Variants in ARID3A observed in about 807,000 individuals in gnomAD.
ARID3A encodes AT-rich interaction domain 3A, also known as AT-rich interactive domain-containing protein 3A.
ARID3A carries 11 observed loss-of-function variants against 52.7 expected under a neutral mutation model. That is an observed-to-expected ratio of 0.21 (90% CI 0.13 to 0.35). The LOEUF (loss-of-function observed/expected upper bound fraction) is 0.35. Among genes scored for constraint, ARID3A ranks in the 10% least tolerant of loss-of-function variants. ARID3A has a pLI of 1.00. For synonymous variants in ARID3A, 404 were observed against 359.4 expected, an observed-to-expected ratio of 1.12 and a Z score of -1.40; for missense variants, 721 against 838.5, an observed-to-expected ratio of 0.86 and a Z score of 1.73.
intron 3 of ARID3A, among the ~76,000 whole-genome samples, chr19:949,331 A>C (rs1184201116): frequency 6.6e-6 from 1 of 151,436 alleles, no homozygotes; most frequent in Non-Finnish European, 1.5e-5. Context: ...GCAGGTGCTG[A>C]GTCATCTCAG....
rs747251396 is a variant in ARID3A at position 965,051 on chromosome 19, C to G, written c.1169C>G (p.Ser390Cys). Residue 390 changes from serine to cysteine, a missense_variant, in exon 6 of 9, where the codon TCC becomes TGC. Ser to Cys is a moderately radical substitution (Grantham distance 112). This residue lies in a region of ARID3A where 297 missense variants were observed against 343.2 expected (regional missense o/e 0.87). Transcript: ENST00000263620. ...CTGGCCGCAAGCACCAATGGCAGCT[C>G]CATCACCCCCGCCCCTAAGATCAAG... ...LGLAASTNGS[S>C]ITPAPKIKKE... The G allele has an allele frequency of 8.1e-6, 13 of 1,612,100 alleles. No individual in the cohort carries two copies. The highest frequency in any genetic ancestry group is 1.1e-5 in the Non-Finnish European group (13 of 1,179,262).
chr19:963,885 A>G (rs1263445043), intron 4 of ARID3A, among the ~76,000 whole-genome samples: 1 of 152,182 alleles, frequency 6.6e-6, no homozygotes, highest in East Asian at 1.9e-4. Flanking sequence ...CTGGGAACAT[A>G]GGCAGAGTTG....
Position 938,698 on chromosome 19 carries a change from G to C in ARID3A, c.693+5956G>C, listed in dbSNP as rs1407532806. On this transcript the variant is annotated intron_variant, in intron 3 of 8. Transcript: ENST00000263620. This position sits in a 1 kb window ranked among gnomAD's most constrained non-coding sequence, Gnocchi z 4.0. ...TGACAGCTGGGCGTGTGTGGGCACT[G>C]GGGCAGGGACGGCCACCAGCAGCCT... Among the ~76,000 whole-genome samples the C allele has an allele frequency of 6.6e-6, 1 of 152,120 alleles. No homozygotes were observed. Among genetic ancestry groups the C allele is most frequent in the Non-Finnish European group, 1.5e-5 (1 of 68,038 alleles).
chr19:969,852 C>A (rs1421887360), intron 8 of ARID3A, among the ~76,000 whole-genome samples: 1 of 147,972 alleles, frequency 6.8e-6, no homozygotes, highest in Admixed American at 6.7e-5. Flanking sequence ...CCACACCCAG[C>A]TAATTTTTTT....
rs2038207984 is a variant in ARID3A, at chr19:968,385, A to AT, written c.1496-17dup. 2 of 1,598,590 alleles carry AT rather than the reference A, an allele frequency of 1.3e-6. No individual in the cohort carries two copies. Among genetic ancestry groups the AT allele is most frequent in the African/African-American group, 2.7e-5 (2 of 73,838 alleles). ...AAAAAAAAAAGAAAAAAAGAAACTA[A>AT]TTTGTTCTTCTTCCCACAGCCTCCG... On this transcript the variant is annotated intron_variant, in intron 7 of 8. Transcript: ENST00000263620.
chr19:968,683 C>A, intron 8 of ARID3A, 180 bp downstream of exon 8: 5 of 583,176 alleles, frequency 8.6e-6, no homozygotes, highest in South Asian at 6.1e-5. Context: ...ATCGTTCACC[C>A]GGTACCACGC....
rs2037637700 is a variant in ARID3A, at chr19:944,647, A to T, written c.693+11905A>T. Reference sequence around the variant, plus strand: ...CTGGTTTTCGGGGGTGGATTTTGAGACAGGGTCTCGTGCTGTCACCCAGGC... The same window carrying T: ...CTGGTTTTCGGGGGTGGATTTTGAGTCAGGGTCTCGTGCTGTCACCCAGGC... On this transcript the variant is annotated intron_variant, in intron 3 of 8. Transcript: ENST00000263620. The surrounding 1 kb of genome is among the most constrained non-coding windows in gnomAD (Gnocchi z 5.9). Among the ~76,000 whole-genome samples the T allele has an allele frequency of 1.3e-5, 2 of 152,022 alleles. No individual in the cohort carries two copies. The highest frequency in any genetic ancestry group is 4.1e-4 in the South Asian group (2 of 4,820).
chr19:962,496 AC>A (rs1300431954), intron 4 of ARID3A, among the ~76,000 whole-genome samples: 3 of 142,530 alleles, frequency 2.1e-5, no homozygotes, highest in African/African-American at 7.8e-5. Context: ...CTGGGAACCA[AC>A]CCTCTGCTGC....
intron 3 of ARID3A, among the ~76,000 whole-genome samples, chr19:948,605 C>T (rs376821105): frequency 8.5e-5 from 13 of 152,146 alleles, no homozygotes; most frequent in East Asian, 5.8e-4. Context: ...GGCTCTGCTC[C>T]GTCTTCATTC....
In ARID3A at chr19:929,408, C is replaced by A. The variant is rs965991863; in HGVS notation, c.-121C>A. On this transcript the variant is annotated 5_prime_UTR_variant, in exon 2 of 9. Transcript: ENST00000263620. The surrounding 1 kb of genome is among the most constrained non-coding windows in gnomAD (Gnocchi z 6.2). ...CCACCCTGCACTGCCCCGGCTCCCC[C>A]GCGGCCCCCACGCTGCAGTGCGGCC... 7 of 1,125,282 alleles carry A rather than the reference C, an allele frequency of 6.2e-6. No homozygotes were observed. The African/African-American group carries it at 1.0e-4, about 16-fold the overall frequency. 69.7% of individuals were successfully genotyped at this position (1,125,282 alleles called of 1,614,324 possible).
At chr19:953,323 G>T (rs1276607324) in intron 3 of ARID3A, among the ~76,000 whole-genome samples, 1 of 152,108 alleles carries the variant, frequency 6.6e-6, no homozygotes, top group East Asian at 1.9e-4. Context: ...TTCCAGGGCT[G>T]GGGGGTGGCG....
At position 971,951 on chromosome 19, in the gene ARID3A, C is replaced by A; in HGVS notation, c.1668C>A (p.Gly556=). ...ACAAAGGAGGCGGCGGCGGCGGCGG[C>A]AGCAGCAGCAACGCAGGCGGCCGGG... ...APNKGGGGGG[G]SSSNAGGRGG... The change falls in exon 9 of 9, where the codon GGC becomes GGA. Residue 556 remains glycine, a synonymous_variant. Coordinates refer to ENST00000263620, the MANE Select transcript of ARID3A (RefSeq NM_005224.3). 1 of 1,596,810 alleles carries A rather than the reference C, an allele frequency of 6.3e-7. No homozygotes were observed. The highest frequency in any genetic ancestry group is 8.5e-7 in the Non-Finnish European group (1 of 1,171,450).
Position 975,856 on chromosome 19 carries a change from C to T in ARID3A, c.*3791C>T, listed in dbSNP as rs1434569209. 1 of 185,912 alleles carries T rather than the reference C, an allele frequency of 5.4e-6. No individual in the cohort carries two copies. Among genetic ancestry groups the T allele is most frequent in the Admixed American group, 6.2e-5 (1 of 16,076 alleles). 11.5% of individuals were successfully genotyped at this position (185,912 alleles called of 1,614,324 possible). On this transcript the variant is annotated 3_prime_UTR_variant, in exon 9 of 9. Coordinates refer to ENST00000263620, the MANE Select transcript of ARID3A (RefSeq NM_005224.3). ...TATTATGCAGATTGTATTTAAACTT[C>T]AGAAATATTTAAGACGATTGTAACC...
Position 965,061 on chromosome 19 carries a change from C to T in ARID3A, c.1179C>T (p.Pro393=), listed in dbSNP as rs142941535. Residue 393 remains proline (P), a synonymous_variant, in exon 6 of 9, where the codon CCC becomes CCT. Coordinates refer to ENST00000263620, the MANE Select transcript of ARID3A (RefSeq NM_005224.3). ...GCACCAATGGCAGCTCCATCACCCC[C>T]GCCCCTAAGATCAAGAAAGGTAAGG... The part of the protein sequence containing the change: ...AASTNGSSIT[P]APKIKKEEDS... 922 of 1,611,168 alleles carry T rather than the reference C, an allele frequency of 5.7e-4. 7 individuals carry two copies. Among genetic ancestry groups the T allele is most frequent in the Middle Eastern group, 4.0e-3 (24 of 6,054 alleles).
chr19:937,943 C>T (rs532750967), intron 3 of ARID3A, among the ~76,000 whole-genome samples: 4 of 151,956 alleles, frequency 2.6e-5, no homozygotes, highest in Non-Finnish European at 5.9e-5. Context: ...CTCTTGACCT[C>T]GTGATCCGCC....
chr19:929,544 G>A lies in ARID3A; in HGVS notation c.16G>A (p.Val6Met). The change falls in exon 2 of 9, where the codon GTG becomes ATG. Residue 6 changes from valine to methionine, a missense_variant. Physicochemically the swap from Val to Met is conservative, Grantham distance 21. Transcript: ENST00000263620. This position sits in a 1 kb window ranked among gnomAD's most constrained non-coding sequence, Gnocchi z 6.2. ...CCGCAGGGCCATGAAACTACAGGCCGTGATGGAGACGCTGTTGCAGCGGCA... is the reference window on the plus strand; with the variant it reads ...CCGCAGGGCCATGAAACTACAGGCCATGATGGAGACGCTGTTGCAGCGGCA... Reference protein sequence around the residue: MKLQAVMETLLQRQQR... With the variant: MKLQAMMETLLQRQQR... 6.6e-7 allele frequency: 1 copy of A among 1,516,872 alleles called. No individual in the cohort carries two copies. The highest frequency in any genetic ancestry group is 8.8e-7 in the Non-Finnish European group (1 of 1,137,940). The allele number at this position is 1,516,872 out of a possible 1,614,324, so 94.0% of individuals were successfully genotyped here.
At chr19:940,966 C>T (rs1351272754) in intron 3 of ARID3A, among the ~76,000 whole-genome samples, 1 of 152,110 alleles carries the variant, frequency 6.6e-6, no homozygotes, top group East Asian at 1.9e-4. Context: ...CGGCCCGTGC[C>T]CGTGCCAGGA....
In ARID3A at chr19:974,065, G is replaced by C; in HGVS notation, c.*2000G>C. 1 of 227,336 alleles carries C rather than the reference G, an allele frequency of 4.4e-6. No individual in the cohort carries two copies. Among genetic ancestry groups the C allele is most frequent in the East Asian group, 6.3e-5 (1 of 15,892 alleles). 14.1% of individuals were successfully genotyped at this position (227,336 alleles called of 1,614,324 possible). A position where few individuals can be genotyped will look rare whatever the true frequency, so the allele number is the denominator to read the frequency against. ...GGGAGCCCTGTTAGGCCACCGGCATGGGGGCTTGGTGAGGAAGGGGACTCC... is the reference window on the plus strand; with the variant it reads ...GGGAGCCCTGTTAGGCCACCGGCATCGGGGCTTGGTGAGGAAGGGGACTCC... On this transcript the variant is annotated 3_prime_UTR_variant, in exon 9 of 9. Transcript: ENST00000263620.
At position 932,659 on chromosome 19, in the gene ARID3A, C is replaced by T. The variant is rs1448864737; in HGVS notation, c.610C>T (p.His204Tyr). Residue 204 changes from histidine to tyrosine, a missense_variant, in exon 3 of 9, where the codon CAC becomes TAC. Physicochemically the swap from His to Tyr is moderately conservative, Grantham distance 83. Around this residue, in one of 5 missense-constraint regions of ARID3A, gnomAD observed 349 missense variants for 297.3 expected, o/e 1.17. Coordinates refer to ENST00000263620, the MANE Select transcript of ARID3A (RefSeq NM_005224.3). Reference protein sequence around the residue: ...GQERPGPGPAHPGGAAHVAPQ... With the variant: ...GQERPGPGPAYPGGAAHVAPQ... Reference sequence around the variant, plus strand: ...GGAGCGGCCGGGGCCTGGCCCTGCCCACCCCGGAGGGGCCGCCCACGTAGC... The same window carrying T: ...GGAGCGGCCGGGGCCTGGCCCTGCCTACCCCGGAGGGGCCGCCCACGTAGC... 3.9e-6 allele frequency: 6 copies of T among 1,544,324 alleles called. No individual in the cohort carries two copies. The highest frequency in any genetic ancestry group is 5.2e-6 in the Non-Finnish European group (6 of 1,145,568).
Sources: gnomAD v4.1 joint callset for allele counts (sites outside exome capture counted in the v4.1 genomes callset) on GRCh38, gnomAD v4.1.1 for gene constraint, gnomAD v4.1.1 regional missense constraint, Gnocchi (gnomAD v3.1) non-coding constraint, MANE v1.5 for transcripts, NCBI Gene and HGNC (gene_info 2026-07-23, HGNC 2026-07-21) for gene names.